The following RGSL1 variants were observed in gnomAD, a reference collection of about 807,000 sequenced individuals.
RGSL1 encodes regulator of G protein signaling like 1, also known as regulator of G protein signaling protein-like.
RGSL1 carries 97 observed loss-of-function variants against 124.7 expected under a neutral mutation model. The ratio of observed to expected loss-of-function variants is 0.78; its 90% CI spans 0.66 to 0.92. The LOEUF is 0.92. RGSL1 is among the 40% of genes least tolerant of loss of function. The pLI is 0.00. For missense variants in RGSL1, 1,233 were observed against 1,288.4 expected (o/e 0.96, Z 0.66); for synonymous variants, 424 against 438.1 (o/e 0.97, Z 0.40).
chr1:182,532,618 C>A (rs1468372435), intron 13 of RGSL1, 44 bp from the exon 14 acceptor site: 68 of 1,540,652 alleles, frequency 4.4e-5, no homozygotes, highest in Non-Finnish European at 5.5e-5. Context: ...CGGTGAACAG[C>A]AACCATACTA....
intron 14 of RGSL1, among the ~76,000 whole-genome samples, chr1:182,534,167 G>T (rs1659383798): frequency 6.6e-6 from 1 of 152,150 alleles, no homozygotes; most frequent in South Asian, 2.1e-4. Context: ...CTTAAAATGG[G>T]AATGATGGGT....
At chr1:182,511,292 G>A (rs1380414537) in intron 9 of RGSL1, among the ~76,000 whole-genome samples, 1 of 152,116 alleles carries the variant, frequency 6.6e-6, no homozygotes, top group Non-Finnish European at 1.5e-5. Flanking sequence ...AGCCTCCCAA[G>A]TAGCTGGGAT....
At chr1:182,484,863 A>C (rs989664796) in intron 6 of RGSL1, among the ~76,000 whole-genome samples, 1 of 152,070 alleles carries the variant, frequency 6.6e-6, no homozygotes, top group Non-Finnish European at 1.5e-5. Context: ...TGGCTTGGGG[A>C]TGTCAGGCCA....
At chr1:182,525,411 G>T (rs1382795705) in intron 10 of RGSL1, among the ~76,000 whole-genome samples, 1 of 152,036 alleles carries the variant, frequency 6.6e-6, no homozygotes, top group Non-Finnish European at 1.5e-5. Context: ...TGATGATAAT[G>T]ATTAACCAAA....
intron 4 of RGSL1, among the ~76,000 whole-genome samples, chr1:182,463,684 C>T (rs1403625759): frequency 6.6e-6 from 1 of 152,172 alleles, no homozygotes; most frequent in African/African-American, 2.4e-5. Context: ...TAAACATCTA[C>T]ACACCTAATG....
Position 182,551,144 on chromosome 1 carries a change from GGAA to G in RGSL1, c.2983_2985del (p.Lys995del). ...ACCCGCTCTTACTTACAGTATAGGG[GGAA>G]GAAGTTCAAGGACAGAAAAAGCCCT... On this transcript the variant is annotated inframe_deletion, in exon 18 of 22. Transcript: ENST00000294854. The G allele has an allele frequency of 6.4e-7, 1 of 1,551,714 alleles. No homozygotes were observed.
Position 182,473,733 on chromosome 1 carries a change from T to C in RGSL1, c.622T>C (p.Cys208Arg). ...GATGACCATGGCCAAGGAGGAAGCA[T>C]GCCATGGTCTGATGCAAGAGTACGA... is the stretch of plus-strand genomic sequence containing the variant. The part of the protein sequence containing the change: ...TKMTMAKEEA[C>R]HGLMQEYETR... Residue 208 changes from cysteine to arginine, a missense_variant, in exon 6 of 22, where the codon TGC (cysteine) becomes CGC (arginine). Coordinates refer to ENST00000294854, the MANE Select transcript of RGSL1 (RefSeq NM_001137669.2). 1.7e-5 allele frequency: 26 copies of C among 1,551,746 alleles called. No homozygotes were observed. The highest frequency in any genetic ancestry group is 3.3e-4 in the Middle Eastern group (2 of 5,992).
chr1:182,509,731 T>G, intron 9 of RGSL1, among the ~76,000 whole-genome samples: 1 of 122,260 alleles, frequency 8.2e-6, no homozygotes. Context: ...CCCCCCCACC[T>G]CCCTCCCGGA....
At position 182,472,535 on chromosome 1, in the gene RGSL1, A is replaced by G; in HGVS notation, c.441A>G (p.Val147=). The G allele has an allele frequency of 6.5e-7, 1 of 1,537,554 alleles. No homozygotes were observed. The highest frequency in any genetic ancestry group is 1.2e-5 in the South Asian group (1 of 81,666). The part of the protein sequence containing the change: ...ATHLQEGSRV[V]TLCNMNIKSL... ...ATCTGCAGGAGGGCTCCAGGGTGGTAACCCTCTGTAACATGAACATCAGTA... is the reference window on the plus strand; with the variant it reads ...ATCTGCAGGAGGGCTCCAGGGTGGTGACCCTCTGTAACATGAACATCAGTA... The change falls in exon 5 of 22, where the codon GTA becomes GTG. Residue 147 remains valine (V), a synonymous_variant. Coordinates refer to ENST00000294854, the MANE Select transcript of RGSL1 (RefSeq NM_001137669.2).
chr1:182,551,973 A>C (rs1347680579), intron 18 of RGSL1, among the ~76,000 whole-genome samples: 1 of 152,184 alleles, frequency 6.6e-6, no homozygotes, highest in Non-Finnish European at 1.5e-5. Context: ...TTCTTCCATA[A>C]AGCCTGAGTG....
rs140752347 is a variant in RGSL1 at position 182,458,706 on chromosome 1, C to G, written c.171+313C>G. On this transcript the variant is annotated intron_variant, in intron 3 of 21. Transcript: ENST00000294854. The stretch of plus-strand genomic sequence containing the variant: ...CAGGCTGGTCTTGAGCTACTGAGCT[C>G]TAGCAATTCACCCGCCTCGGCCTCC... Among the ~76,000 whole-genome samples, 125 of 152,202 alleles carry G rather than the reference C, an allele frequency of 8.2e-4. 1 individual carries two copies. The Middle Eastern group carries it at 0.037, about 46-fold the overall frequency.
intron 2 of RGSL1, among the ~76,000 whole-genome samples, chr1:182,455,897 G>A (rs575769292): frequency 6.6e-6 from 1 of 152,208 alleles, no homozygotes; most frequent in South Asian, 2.1e-4. Context: ...GGAGTAACAT[G>A]TTCAGACTTT....
At chr1:182,528,168 T>C (rs553514147) in intron 11 of RGSL1, among the ~76,000 whole-genome samples, 1 of 151,902 alleles carries the variant, frequency 6.6e-6, no homozygotes, top group Admixed American at 6.5e-5. Context: ...CCTTGTAAAA[T>C]CATCAGATCT....
chr1:182,552,657 A>G (rs909976793), intron 18 of RGSL1, among the ~76,000 whole-genome samples: 5 of 152,198 alleles, frequency 3.3e-5, no homozygotes, highest in African/African-American at 1.2e-4. Flanking sequence ...AAAATACCTC[A>G]TATTGGGTAA....
intron 6 of RGSL1, among the ~76,000 whole-genome samples, chr1:182,474,988 G>C (rs1319260646): frequency 1.3e-5 from 2 of 152,194 alleles, no homozygotes; most frequent in East Asian, 3.9e-4. Flanking sequence ...CCACAAAACT[G>C]GTCCCTGTGC....
intron 9 of RGSL1, among the ~76,000 whole-genome samples, chr1:182,507,929 C>T (rs1400339038): frequency 1.3e-5 from 2 of 152,026 alleles, no homozygotes; most frequent in Admixed American, 6.5e-5. Flanking sequence ...TCTCGAACTC[C>T]CGGGCTCAAA....
intron 6 of RGSL1, among the ~76,000 whole-genome samples, chr1:182,481,864 T>C (rs1654733660): frequency 6.6e-6 from 1 of 152,126 alleles, no homozygotes; most frequent in Non-Finnish European, 1.5e-5. Flanking sequence ...CCTGTGGTCC[T>C]AGCTACTTGG....
intron 10 of RGSL1, 144 bp from the exon 11 acceptor site, chr1:182,527,435 A>T: frequency 1.5e-6 from 1 of 645,608 alleles, no homozygotes; most frequent in Non-Finnish European, 2.6e-6. Flanking sequence ...AAATAGACAG[A>T]TTTAGCCAAT....
intron 9 of RGSL1, among the ~76,000 whole-genome samples, chr1:182,504,504 A>G (rs1571592528): frequency 1.9e-5 from 1 of 52,692 alleles, no homozygotes; most frequent in Non-Finnish European, 3.7e-5. Flanking sequence ...TTTTTTGCAT[A>G]CCTCATAGTT....
Sources: allele counts gnomAD v4.1 joint callset (sites outside exome capture counted in the v4.1 genomes callset), GRCh38; gene constraint gnomAD v4.1.1; transcripts MANE v1.5; gene names NCBI Gene and HGNC (gene_info 2026-07-23, HGNC 2026-07-21).